The following TGM6 variants were observed in gnomAD, a reference collection of about 807,000 sequenced individuals.
The protein encoded by TGM6 is protein-glutamine gamma-glutamyltransferase 6.
TGM6 carries 74 observed loss-of-function variants against 77.5 expected under a neutral mutation model. That is an observed-to-expected ratio of 0.96 (90% CI 0.79 to 1.16). TGM6 has a LOEUF of 1.16. TGM6 is among the 50% of genes most tolerant of loss of function. TGM6 has a pLI of 0.00. For missense variants in TGM6, 968 were observed against 940.2 expected, an observed-to-expected ratio of 1.03 and a Z score of -0.39; for synonymous variants, 383 against 378.9, an observed-to-expected ratio of 1.01 and a Z score of -0.12.
At chr20:2,430,799 T>C in intron 11 of TGM6, 95 bp from the exon 12 acceptor site, 1 of 1,609,154 alleles carries the variant, frequency 6.2e-7, no homozygotes, top group Non-Finnish European at 8.5e-7. Context: ...GGGGTGGACA[T>C]GACTAATGAT....
chr20:2,392,822 G>A (rs1369764987), intron 1 of TGM6, among the ~76,000 whole-genome samples: 1 of 152,212 alleles, frequency 6.6e-6, no homozygotes, highest in Non-Finnish European at 1.5e-5. Context: ...AGGATCACTT[G>A]AGCCTGGGAG....
intron 9 of TGM6, among the ~76,000 whole-genome samples, chr20:2,408,906 A>G (rs796311744): frequency 4.6e-5 from 7 of 152,242 alleles, no homozygotes; most frequent in African/African-American, 1.7e-4. Context: ...ATTTTGGGGA[A>G]AAATAAAGAA....
At chr20:2,397,822 G>A in intron 4 of TGM6, 96 bp from the exon 5 acceptor site, 1 of 1,606,662 alleles carries the variant, frequency 6.2e-7, no homozygotes. Context: ...AAACTGCCCT[G>A]CACAGATGGG....
intron 7 of TGM6, among the ~76,000 whole-genome samples, chr20:2,400,903 G>A (rs2084704442): frequency 6.6e-6 from 1 of 152,128 alleles, no homozygotes; most frequent in Admixed American, 6.5e-5. Context: ...GCCAGGCACG[G>A]TGGCTCACAC....
intron 10 of TGM6, among the ~76,000 whole-genome samples, chr20:2,428,073 A>G (rs1048876432): frequency 2.6e-5 from 4 of 151,750 alleles, no homozygotes; most frequent in Non-Finnish European, 5.9e-5. Context: ...TTCCAGTTTG[A>G]TTTCATTGTG....
intron 9 of TGM6, among the ~76,000 whole-genome samples, chr20:2,406,238 A>C (rs2084749460): frequency 6.6e-6 from 1 of 152,170 alleles, no homozygotes; most frequent in African/African-American, 2.4e-5. Context: ...TAAGACCTGC[A>C]GATTGATTGC....
intron 1 of TGM6, among the ~76,000 whole-genome samples, chr20:2,391,903 G>C (rs1157194999): frequency 6.6e-6 from 1 of 152,184 alleles, no homozygotes; most frequent in Admixed American, 6.6e-5. Flanking sequence ...TCAAATTTTA[G>C]AAGTCACCAT....
chr20:2,421,016 C>T, intron 10 of TGM6, among the ~76,000 whole-genome samples: 1 of 151,650 alleles, frequency 6.6e-6, no homozygotes, highest in Admixed American at 6.6e-5. Flanking sequence ...GAGACAGAGT[C>T]TCGCTCCGTC....
At chr20:2,411,672 A>C (rs1004777921) in intron 9 of TGM6, among the ~76,000 whole-genome samples, 1 of 152,222 alleles carries the variant, frequency 6.6e-6, no homozygotes, top group East Asian at 1.9e-4. Context: ...AAAAAGAAAT[A>C]GATATCTTTT....
Position 2,408,346 on chromosome 20 carries a change from C to T in TGM6, c.1336+4523C>T, listed in dbSNP as rs2122388345. Among the ~76,000 whole-genome samples the T allele has an allele frequency of 1.3e-5, 2 of 152,284 alleles. 1 individual carries two copies. The highest frequency in any genetic ancestry group is 4.1e-4 in the South Asian group (2 of 4,826). On this transcript the variant is annotated intron_variant, in intron 9 of 12. Coordinates refer to ENST00000202625, the MANE Select transcript of TGM6 (RefSeq NM_198994.3). ...ACTTGGCACAAGATGCTTTCTTTGC[C>T]TGGGAAGGACCTGCTGACTTCACCC...
At chr20:2,411,282 A>G (rs145744399) in intron 9 of TGM6, among the ~76,000 whole-genome samples, 1 of 152,190 alleles carries the variant, frequency 6.6e-6, no homozygotes, top group East Asian at 1.9e-4. Flanking sequence ...AGCAACATAT[A>G]AAAAAGATTA....
At chr20:2,388,383 G>C (rs146936313) in intron 1 of TGM6, among the ~76,000 whole-genome samples, 5 of 152,336 alleles carry the variant, frequency 3.3e-5, no homozygotes, top group Non-Finnish European at 7.3e-5. Context: ...TCTAGGCTGT[G>C]ACTCCTATGG....
At chr20:2,387,510 G>T (rs888847736) in intron 1 of TGM6, among the ~76,000 whole-genome samples, 2 of 152,202 alleles carry the variant, frequency 1.3e-5, no homozygotes, top group African/African-American at 4.8e-5. Context: ...CACATGTTCA[G>T]TCATTATCCC....
chr20:2,394,368 G>A, intron 1 of TGM6, 84 bp from the exon 2 acceptor site: 1 of 1,474,728 alleles, frequency 6.8e-7, no homozygotes, highest in Non-Finnish European at 9.4e-7. Context: ...CAAATGACTG[G>A]CCGAGAATGA....
intron 1 of TGM6, among the ~76,000 whole-genome samples, chr20:2,386,727 C>G (rs575613234): frequency 1.3e-5 from 2 of 152,136 alleles, no homozygotes; most frequent in Non-Finnish European, 2.9e-5. Flanking sequence ...CTGACTCATC[C>G]CACCACCTCC....
chr20:2,414,273 C>T (rs1269615844), intron 9 of TGM6, among the ~76,000 whole-genome samples: 1 of 152,112 alleles, frequency 6.6e-6, no homozygotes, highest in African/African-American at 2.4e-5. Flanking sequence ...AACATTTCCC[C>T]AAGGACCATA....
rs1207023616 is a variant in TGM6, at chr20:2,396,532, G to A, written c.451G>A (p.Glu151Lys). ...AEDDVFLASEEERQEYVLSDS... is the reference protein window; with the variant it reads ...AEDDVFLASEKERQEYVLSDS... ...GGACGATGTGTTTCTGGCCTCAGAG[G>A]AGGAGAGACAGGAGTACGTGCTCAG... The change falls in exon 4 of 13, where the codon GAG (glutamate) becomes AAG (lysine). Residue 151 changes from glutamate to lysine, a missense_variant. Transcript: ENST00000202625. The A allele has an allele frequency of 1.2e-6, 2 of 1,614,210 alleles. No individual in the cohort carries two copies. Among genetic ancestry groups the A allele is most frequent in the South Asian group, 1.1e-5 (1 of 91,084 alleles).
At chr20:2,404,463 C>T (rs989705494) in intron 9 of TGM6, among the ~76,000 whole-genome samples, 3 of 152,118 alleles carry the variant, frequency 2.0e-5, no homozygotes, top group African/African-American at 7.2e-5. Context: ...ATCCATGTCA[C>T]CAAGTAATTA....
At chr20:2,419,182 T>C (rs556664562) in intron 10 of TGM6, among the ~76,000 whole-genome samples, 2 of 152,338 alleles carry the variant, frequency 1.3e-5, no homozygotes, top group Non-Finnish European at 2.9e-5. Context: ...TCTGTCTCTG[T>C]CCCTTTGGCT....
Sources: allele counts gnomAD v4.1 joint callset (sites outside exome capture counted in the v4.1 genomes callset), GRCh38; gene constraint gnomAD v4.1.1; transcripts MANE v1.5; gene names NCBI Gene and HGNC (gene_info 2026-07-23, HGNC 2026-07-21).